PRKCH: variants seen among roughly 807,000 people sequenced by gnomAD.
PRKCH encodes protein kinase C eta.
In PRKCH, 28 loss-of-function variants were observed where a neutral mutation model predicts 82.5. That is an observed-to-expected ratio of 0.34 (90% CI 0.25 to 0.47). The LOEUF is 0.47. PRKCH is among the 20% of genes least tolerant of loss of function. The probability of loss-of-function intolerance (pLI) is 1.00; values close to 1 mark genes in which losing one functional copy is unlikely to be tolerated. For missense variants in PRKCH, 705 were observed against 881.8 expected (o/e 0.80, Z 2.54); for synonymous variants, 322 against 327.4 (o/e 0.98, Z 0.18).
At chr14:61,358,281 A>AATTT (rs2046178136) in intron 1 of PRKCH, among the ~76,000 whole-genome samples, 1 of 152,188 alleles carries the variant, frequency 6.6e-6, no homozygotes, top group Non-Finnish European at 1.5e-5. Flanking sequence ...ATAAGACTGG[A>AATTT]ATAAATGTTA....
intron 1 of PRKCH, chr14:61,298,504 C>G (rs766758460): frequency 5.3e-5 from 8 of 152,172 alleles, no homozygotes; most frequent in Non-Finnish European, 1.0e-4. Context: ...AGCTCCACAT[C>G]ACGATCCCTA....
At chr14:61,452,892 G>A (rs1594722071) in intron 6 of PRKCH, 1 of 268,814 alleles carries the variant, frequency 3.7e-6, no homozygotes. Context: ...GTGAATTGCC[G>A]CTACGATAAA....
intron 1 of PRKCH, among the ~76,000 whole-genome samples, chr14:61,188,611 GGT>G (rs1170634010): frequency 0.044 from 2,179 of 49,416 alleles, 318 homozygotes; most frequent in Non-Finnish European, 0.052. Context: ...GGGGTGGTGT[GGT>G]GTGTGTGTGT....
chr14:61,457,333 T>G lies in PRKCH; in HGVS notation c.1104+14T>G, dbSNP rs1318156951. 1 of 1,613,482 alleles carries G rather than the reference T, an allele frequency of 6.2e-7. No homozygotes were observed. The highest frequency in any genetic ancestry group is 1.1e-5 in the South Asian group (1 of 90,998). ...AGTTTTGGGAAGGTGAGTCTTGGCT[T>G]TAACTGTTTGGGTTGAAGTAAGTGT... On this transcript the variant is annotated intron_variant, in intron 8 of 13. Coordinates refer to ENST00000332981, the MANE Select transcript of PRKCH (RefSeq NM_006255.5).
intron 1 of PRKCH, among the ~76,000 whole-genome samples, chr14:61,333,438 G>T (rs1300303761): frequency 1.3e-5 from 2 of 152,130 alleles, no homozygotes; most frequent in East Asian, 3.8e-4. Context: ...AACATTCAGG[G>T]TGTGGTTCCA....
At chr14:61,370,523 G>A (rs2046352230) in intron 1 of PRKCH, among the ~76,000 whole-genome samples, 1 of 152,062 alleles carries the variant, frequency 6.6e-6, no homozygotes. Flanking sequence ...GGCCCAATCT[G>A]TATTAAACCT....
At chr14:61,218,695 G>A (rs1251509739) in intron 1 of PRKCH, among the ~76,000 whole-genome samples, 1 of 152,118 alleles carries the variant, frequency 6.6e-6, no homozygotes, top group Non-Finnish European at 1.5e-5. Flanking sequence ...AAGCCCTCAG[G>A]GGGAAAATGT....
chr14:61,300,708 A>G (rs1282218530), intron 1 of PRKCH, among the ~76,000 whole-genome samples: 5 of 152,180 alleles, frequency 3.3e-5, no homozygotes, highest in African/African-American at 4.8e-5. Flanking sequence ...AGCAGGCTGA[A>G]AAATCGAGCT....
intron 4 of PRKCH, among the ~76,000 whole-genome samples, chr14:61,447,326 A>G (rs942559432): frequency 1.3e-5 from 2 of 152,228 alleles, no homozygotes; most frequent in Non-Finnish European, 2.9e-5. Flanking sequence ...TCACAAGGAA[A>G]AATGAACAAA....
chr14:61,300,472 A>G (rs987367656), intron 1 of PRKCH, among the ~76,000 whole-genome samples: 3 of 152,190 alleles, frequency 2.0e-5, no homozygotes, highest in African/African-American at 7.2e-5. Flanking sequence ...AAAGATCACA[A>G]TGTGGGGTAG....
chr14:61,450,916 C>T lies in PRKCH; in HGVS notation c.777C>T (p.Cys259=), dbSNP rs187241237. The change falls in exon 6 of 14, where the codon TGC becomes TGT. Residue 259 remains cysteine, a synonymous_variant. Coordinates refer to ENST00000332981, the MANE Select transcript of PRKCH (RefSeq NM_006255.5). ...SIHNYKVPTF[C]DHCGSLLWGI... is the part of the protein sequence containing the mutation. ...ACAACTACAAAGTGCCAACATTCTG[C>T]GATCACTGTGGCTCACTGCTCTGGG... 26 of 1,613,984 alleles carry T rather than the reference C, an allele frequency of 1.6e-5. No individual in the cohort carries two copies. The African/African-American group carries it at 2.3e-4, about 14-fold the overall frequency.
At chr14:61,259,324 C>T (rs2045025796) in intron 1 of PRKCH, among the ~76,000 whole-genome samples, 1 of 152,190 alleles carries the variant, frequency 6.6e-6, no homozygotes, top group Non-Finnish European at 1.5e-5. Context: ...ATGACATTCA[C>T]TACCCAAATT....
At position 61,481,547 on chromosome 14, in the gene PRKCH, A is replaced by G. The variant is rs554211951; in HGVS notation, c.1279-3955A>G. Reference sequence around the variant, plus strand: ...CACAACTGTGTCTTTCCCATGTCTTATCTTCCATCTTTCAGATGAAAATAA... The same window carrying G: ...CACAACTGTGTCTTTCCCATGTCTTGTCTTCCATCTTTCAGATGAAAATAA... On this transcript the variant is annotated intron_variant, in intron 9 of 13. Coordinates refer to ENST00000332981, the MANE Select transcript of PRKCH (RefSeq NM_006255.5). 4.2e-4 allele frequency among the ~76,000 whole-genome samples: 64 copies of G among 152,366 alleles called. 1 individual carries two copies. The highest frequency in any genetic ancestry group is 6.8e-4 in the Non-Finnish European group (46 of 68,042).
In PRKCH at chr14:61,523,790, G is replaced by A. The variant is rs146750637; in HGVS notation, c.1434-5285G>A. ...TTTTATGATAATGGGTATCAAAGTT[G>A]TACTCTATTAAAGAATTATTATCTT... is the stretch of plus-strand genomic sequence containing the variant. On this transcript the variant is annotated intron_variant, in intron 10 of 13. Coordinates refer to ENST00000332981, the MANE Select transcript of PRKCH (RefSeq NM_006255.5). Among the ~76,000 whole-genome samples the A allele has an allele frequency of 1.9e-3, 294 of 152,242 alleles. 3 individuals are homozygous for A. The highest frequency in any genetic ancestry group is 7.0e-3 in the African/African-American group (289 of 41,540).
At chr14:61,330,306 A>G (rs1385387755) in intron 1 of PRKCH, among the ~76,000 whole-genome samples, 4 of 152,206 alleles carry the variant, frequency 2.6e-5, no homozygotes, top group Non-Finnish European at 5.9e-5. Flanking sequence ...TCAAAAGAAG[A>G]AAAGGAACTT....
chr14:61,300,123 T>G (rs2045437962), intron 1 of PRKCH, among the ~76,000 whole-genome samples: 1 of 152,216 alleles, frequency 6.6e-6, no homozygotes, highest in Admixed American at 6.5e-5. Flanking sequence ...TTCCTTTCTC[T>G]TTTCTATTTT....
chr14:61,473,636 C>T (rs1320683987), intron 9 of PRKCH, among the ~76,000 whole-genome samples: 1 of 152,164 alleles, frequency 6.6e-6, no homozygotes, highest in Non-Finnish European at 1.5e-5. Flanking sequence ...GTCAGAAACA[C>T]ACTTGAGATG....
intron 12 of PRKCH, among the ~76,000 whole-genome samples, chr14:61,546,612 C>T (rs1161810534): frequency 1.3e-5 from 2 of 152,218 alleles, no homozygotes; most frequent in Admixed American, 6.5e-5. Context: ...ACTGTCTTTC[C>T]GTGTCTGCAC....
chr14:61,388,415 GCTGT>G (rs2046622951), intron 1 of PRKCH, among the ~76,000 whole-genome samples: 1 of 152,178 alleles, frequency 6.6e-6, no homozygotes. Flanking sequence ...GGAATCTCCT[GCTGT>G]CTGTCAGAGT....
Sources: allele counts gnomAD v4.1 joint callset (sites outside exome capture counted in the v4.1 genomes callset), GRCh38; gene constraint gnomAD v4.1.1; transcripts MANE v1.5; gene names NCBI Gene and HGNC (gene_info 2026-07-23, HGNC 2026-07-21).